SSH2: variants seen among roughly 807,000 people sequenced by gnomAD.
SSH2 encodes the protein protein phosphatase Slingshot homolog 2.
SSH2 carries 37 observed loss-of-function variants against 135.2 expected under a neutral mutation model. The ratio of observed to expected loss-of-function variants is 0.27; its 90% CI spans 0.21 to 0.36. The LOEUF is 0.36. Among genes scored for constraint, SSH2 ranks in the 10% least tolerant of loss-of-function variants. The probability of loss-of-function intolerance (pLI) is 1.00; values close to 1 mark genes in which losing one functional copy is unlikely to be tolerated. For missense variants in SSH2, 1,408 were observed against 1,765.3 expected (o/e 0.80, Z 3.63); for synonymous variants, 628 against 646.2 (o/e 0.97, Z 0.43).
At chr17:29,719,960 T>C (rs866299899) in intron 3 of SSH2, among the ~76,000 whole-genome samples, 1 of 152,234 alleles carries the variant, frequency 6.6e-6, no homozygotes, top group Non-Finnish European at 1.5e-5. Context: ...GGTTTCACCA[T>C]GTTGGCCAGG....
chr17:29,695,522 G>C lies in SSH2; in HGVS notation c.294C>G (p.Gly98=), dbSNP rs367581050. 6.2e-7 allele frequency: 1 copy of C among 1,608,064 alleles called. No individual in the cohort carries two copies. Among genetic ancestry groups the C allele is most frequent in the East Asian group, 2.3e-5 (1 of 44,308 alleles). Reference sequence around the variant, plus strand: ...TTGCTTGGAGATGCTGTTGGAGATCGCCTGGTGAAATTTACAAACCAAAGG... The same window carrying C: ...TTGCTTGGAGATGCTGTTGGAGATCCCCTGGTGAAATTTACAAACCAAAGG... ...RISHRRNKHA[G]DLQQHLQAMF... is the part of the protein sequence containing the mutation. Residue 98 remains glycine, a splice_region_variant and synonymous_variant, in exon 5 of 16, where the codon GGC becomes GGG. Transcript: ENST00000540801.
At chr17:29,909,094 T>G (rs2066717485) in intron 1 of SSH2, among the ~76,000 whole-genome samples, 1 of 151,980 alleles carries the variant, frequency 6.6e-6, no homozygotes, top group Non-Finnish European at 1.5e-5. Context: ...AAAAAAAAAT[T>G]TCTCCAAACC....
rs60064865 is a variant in SSH2, at chr17:29,823,878, C to CAAAAA, written c.144+24966_144+24970dup. Among the ~76,000 whole-genome samples, 282 of 85,026 alleles carry CAAAAA rather than the reference C, an allele frequency of 3.3e-3. 2 individuals are homozygous for CAAAAA. Among genetic ancestry groups the CAAAAA allele is most frequent in the African/African-American group, 0.013 (267 of 20,710 alleles). The allele number at this position is 85,026 out of a possible 152,430, so 55.8% of individuals were successfully genotyped here. On this transcript the variant is annotated intron_variant, in intron 2 of 15. Coordinates refer to ENST00000540801, the MANE Select transcript of SSH2 (RefSeq NM_001282129.2). ...TGGACAACAGAGTGAGACTCTGTCT[C>CAAAAA]AAAAAAAAAAAAAAAAAAAAAATTC...
At chr17:29,716,528 TG>T in intron 3 of SSH2, 1 of 720,588 alleles carries the variant, frequency 1.4e-6, no homozygotes, top group Non-Finnish European at 2.5e-6. Context: ...GTAACACTTG[TG>T]GGGCATTCCT....
chr17:29,655,677 GAGA>G (rs373366706), intron 11 of SSH2, 70 bp from the exon 12 acceptor site: 115 of 1,423,328 alleles, frequency 8.1e-5, no homozygotes, highest in East Asian at 3.4e-4. Flanking sequence ...AAAGGAGCGA[GAGA>G]AGAAGAACTT....
chr17:29,656,212 C>T (rs1185662570), intron 11 of SSH2, among the ~76,000 whole-genome samples: 1 of 152,096 alleles, frequency 6.6e-6, no homozygotes, highest in Non-Finnish European at 1.5e-5. Flanking sequence ...CGTCTTGCTC[C>T]ATCACCCAGG....
intron 15 of SSH2, among the ~76,000 whole-genome samples, chr17:29,635,524 C>G (rs1245952774): frequency 6.8e-6 from 1 of 147,842 alleles, no homozygotes; most frequent in African/African-American, 2.6e-5. Context: ...CCTGCCTCAG[C>G]CTCCCGAGTA....
chr17:29,773,256 A>G (rs933742011), intron 3 of SSH2, among the ~76,000 whole-genome samples: 9 of 152,330 alleles, frequency 5.9e-5, no homozygotes, highest in Non-Finnish European at 1.0e-4. Flanking sequence ...TTAAATCAGA[A>G]CTGAGTTTCT....
At chr17:29,694,287 T>C (rs2151101352) in intron 5 of SSH2, among the ~76,000 whole-genome samples, 1 of 152,298 alleles carries the variant, frequency 6.6e-6, no homozygotes, top group Admixed American at 6.5e-5. Flanking sequence ...CACAAAGAAA[T>C]ATGGTCATCT....
intron 2 of SSH2, among the ~76,000 whole-genome samples, chr17:29,808,007 A>G (rs1435010588): frequency 1.3e-5 from 2 of 152,196 alleles, no homozygotes; most frequent in Non-Finnish European, 2.9e-5. Flanking sequence ...GTGCATTCAT[A>G]GAAAATTCTG....
chr17:29,640,169 C>T (rs2036091909), intron 14 of SSH2, among the ~76,000 whole-genome samples: 1 of 151,528 alleles, frequency 6.6e-6, no homozygotes, highest in African/African-American at 2.4e-5. Context: ...AGCTCCACTT[C>T]CCGGGTTCAC....
intron 3 of SSH2, among the ~76,000 whole-genome samples, chr17:29,762,038 G>A (rs1251786925): frequency 2.0e-5 from 3 of 151,882 alleles, no homozygotes; most frequent in African/African-American, 4.8e-5. Flanking sequence ...GCGCCACCAC[G>A]CCTGGCTAAT....
intron 1 of SSH2, among the ~76,000 whole-genome samples, chr17:29,913,386 A>T (rs2066822268): frequency 9.8e-6 from 1 of 101,912 alleles, no homozygotes; most frequent in Non-Finnish European, 1.9e-5. Flanking sequence ...ATATATATCC[A>T]ATTTCTACTA....
intron 3 of SSH2, among the ~76,000 whole-genome samples, chr17:29,731,112 T>C (rs2040174606): frequency 6.6e-6 from 1 of 152,174 alleles, no homozygotes; most frequent in Non-Finnish European, 1.5e-5. Flanking sequence ...AGTTTTAGCA[T>C]TTTAGGCAGT....
Position 29,836,249 on chromosome 17 carries a change from C to T in SSH2, c.144+12600G>A, listed in dbSNP as rs917670878. Among the ~76,000 whole-genome samples the T allele has an allele frequency of 2.6e-5, 4 of 152,054 alleles. No homozygotes were observed. The East Asian group carries it at 7.7e-4, about 29-fold the overall frequency. ...TAAGCAAATCCCTTAAATATATCAC[C>T]ACGTTAGAGAGGCCCTTCTTGAACA... On this transcript the variant is annotated intron_variant, in intron 2 of 15. Transcript: ENST00000540801.
intron 2 of SSH2, among the ~76,000 whole-genome samples, chr17:29,827,797 C>A (rs537443146): frequency 1.2e-3 from 180 of 149,230 alleles, no homozygotes; most frequent in African/African-American, 3.5e-3. Context: ...AAAAAAAAAA[C>A]CCCAGCATAG....
chr17:29,821,703 G>A (rs2042653964), intron 2 of SSH2, among the ~76,000 whole-genome samples: 1 of 150,676 alleles, frequency 6.6e-6, no homozygotes, highest in Non-Finnish European at 1.5e-5. Flanking sequence ...GGAGTGCAGC[G>A]GCGCGATCTC....
At chr17:29,743,748 T>C (rs533927304) in intron 3 of SSH2, among the ~76,000 whole-genome samples, 1 of 152,224 alleles carries the variant, frequency 6.6e-6, no homozygotes, top group African/African-American at 2.4e-5. Flanking sequence ...GTCTACTACA[T>C]TATTCACTTT....
intron 3 of SSH2, among the ~76,000 whole-genome samples, chr17:29,747,217 C>A (rs929809260): frequency 2.0e-5 from 3 of 152,002 alleles, no homozygotes; most frequent in African/African-American, 7.2e-5. Context: ...TAGTTCATTA[C>A]CAAAAAAAAT....
Sources: allele counts gnomAD v4.1 joint callset (sites outside exome capture counted in the v4.1 genomes callset), GRCh38; gene constraint gnomAD v4.1.1; transcripts MANE v1.5; gene names NCBI Gene and HGNC (gene_info 2026-07-23, HGNC 2026-07-21).